Variants in PARD3 observed in about 807,000 individuals in gnomAD.
PARD3 encodes the protein par-3 family cell polarity regulator.
Under a neutral mutation model 155.4 loss-of-function variants are expected in PARD3, and 75 were observed. The ratio of observed to expected loss-of-function variants is 0.48; its 90% CI spans 0.40 to 0.58. PARD3 has a LOEUF of 0.58. Among genes scored for constraint, PARD3 ranks in the 20% least tolerant of loss-of-function variants. The probability of loss-of-function intolerance (pLI) is 0.00; values close to 1 mark genes in which losing one functional copy is unlikely to be tolerated. For synonymous variants in PARD3, 576 were observed against 610.5 expected (o/e 0.94, Z 0.83); for missense variants, 1,642 against 1,721.7 (o/e 0.95, Z 0.82).
intron 20 of PARD3, among the ~76,000 whole-genome samples, chr10:34,301,593 C>T (rs1697043990): frequency 1.3e-5 from 2 of 152,214 alleles, no homozygotes; most frequent in South Asian, 4.1e-4. Flanking sequence ...TTGCAAGCAC[C>T]ACCTGACATG....
At chr10:34,652,967 A>G (rs552624480) in intron 2 of PARD3, among the ~76,000 whole-genome samples, 2 of 152,318 alleles carry the variant, frequency 1.3e-5, no homozygotes, top group African/African-American at 4.8e-5. Flanking sequence ...GGAAGTGCTC[A>G]TTTTAATGAC....
chr10:34,232,719 G>C (rs1025130219), intron 22 of PARD3, among the ~76,000 whole-genome samples: 1 of 152,014 alleles, frequency 6.6e-6, no homozygotes, highest in Non-Finnish European at 1.5e-5. Context: ...TTTTCTTTTA[G>C]AGACAAAGTC....
intron 11 of PARD3, among the ~76,000 whole-genome samples, chr10:34,374,255 T>C (rs925661075): frequency 6.6e-6 from 1 of 152,208 alleles, no homozygotes; most frequent in African/African-American, 2.4e-5. Context: ...GATGTATTAA[T>C]GTATGTATGG....
intron 2 of PARD3, among the ~76,000 whole-genome samples, chr10:34,593,895 G>A (rs944509443): frequency 5.3e-5 from 8 of 152,114 alleles, no homozygotes; most frequent in South Asian, 4.1e-4. Context: ...CCAAGAGACC[G>A]GAGATTTCTG....
chr10:34,808,182 C>CACACA (rs58378296), intron 1 of PARD3, among the ~76,000 whole-genome samples: 53,193 of 151,398 alleles, frequency 0.35, 10,417 homozygotes, highest in African/African-American at 0.55. Context: ...GGTGTGGCGG[C>CACACA]ACACAACTGT....
intron 1 of PARD3, among the ~76,000 whole-genome samples, chr10:34,797,533 C>T (rs1487274423): frequency 1.3e-5 from 2 of 152,198 alleles, no homozygotes; most frequent in Non-Finnish European, 2.9e-5. Context: ...AATACTACTG[C>T]TCCATCCAAT....
chr10:34,415,072 A>C (rs923309043), intron 5 of PARD3, among the ~76,000 whole-genome samples: 1 of 152,214 alleles, frequency 6.6e-6, no homozygotes, highest in African/African-American at 2.4e-5. Context: ...CAGGAAGAAG[A>C]ACCACCAACT....
chr10:34,183,645 G>A (rs1950361695), intron 22 of PARD3, among the ~76,000 whole-genome samples: 1 of 152,176 alleles, frequency 6.6e-6, no homozygotes, highest in South Asian at 2.1e-4. Context: ...CATATTAAAA[G>A]TCTAAGGTGG....
At chr10:34,491,385 T>C (rs967292871) in intron 3 of PARD3, among the ~76,000 whole-genome samples, 6 of 152,346 alleles carry the variant, frequency 3.9e-5, no homozygotes, top group African/African-American at 1.4e-4. Context: ...TTTCTAACTT[T>C]AATTTGAAAA....
At chr10:34,276,767 T>C (rs765121713) in intron 21 of PARD3, among the ~76,000 whole-genome samples, 1 of 152,176 alleles carries the variant, frequency 6.6e-6, no homozygotes, top group Non-Finnish European at 1.5e-5. Flanking sequence ...GCAAAACCAG[T>C]GGTGTCCTTA....
chr10:34,722,251 G>GTA (rs1184686535), intron 1 of PARD3, among the ~76,000 whole-genome samples: 15 of 151,752 alleles, frequency 9.9e-5, no homozygotes, highest in Non-Finnish European at 1.6e-4. Flanking sequence ...GTTGTTTTAT[G>GTA]TATATATATA....
chr10:34,774,571 T>G (rs944768785), intron 1 of PARD3, among the ~76,000 whole-genome samples: 5 of 152,234 alleles, frequency 3.3e-5, no homozygotes. Flanking sequence ...GAGACTTGAA[T>G]TAGTATAAGT....
At chr10:34,550,423 G>A (rs1384987118) in intron 2 of PARD3, among the ~76,000 whole-genome samples, 1 of 151,938 alleles carries the variant, frequency 6.6e-6, no homozygotes, top group Non-Finnish European at 1.5e-5. Context: ...TGTTGCCCAG[G>A]CTGGTCTCGA....
chr10:34,706,006 T>C (rs1341285592), intron 1 of PARD3, among the ~76,000 whole-genome samples: 2 of 152,108 alleles, frequency 1.3e-5, no homozygotes, highest in East Asian at 3.9e-4. Flanking sequence ...CTGACATGAC[T>C]TTCATGCCAA....
chr10:34,755,481 C>T (rs1250651727), intron 1 of PARD3, among the ~76,000 whole-genome samples: 1 of 152,124 alleles, frequency 6.6e-6, no homozygotes, highest in East Asian at 1.9e-4. Flanking sequence ...TGCCCTCCCA[C>T]AGCAAATCTT....
At chr10:34,605,537 CTATA>C (rs1226768521) in intron 2 of PARD3, among the ~76,000 whole-genome samples, 1,147 of 25,704 alleles carry the variant, frequency 0.045, 199 homozygotes, top group Non-Finnish European at 0.053. Context: ...TATATATCTC[CTATA>C]TATATATATA....
chr10:34,326,514 A>G (rs753066140), intron 19 of PARD3, among the ~76,000 whole-genome samples: 6 of 152,216 alleles, frequency 3.9e-5, no homozygotes, highest in Admixed American at 6.5e-5. Context: ...TTCTTCCACA[A>G]TAGATTTACT....
chr10:34,792,047 G>A (rs903396870), intron 1 of PARD3, among the ~76,000 whole-genome samples: 3 of 152,038 alleles, frequency 2.0e-5, no homozygotes, highest in Non-Finnish European at 2.9e-5. Context: ...TCACGTGCTC[G>A]CCTCGTGACA....
chr10:34,591,960 G>A (rs1419924267), intron 2 of PARD3, among the ~76,000 whole-genome samples: 2 of 152,152 alleles, frequency 1.3e-5, no homozygotes, highest in Non-Finnish European at 2.9e-5. Context: ...AGCCACAAGG[G>A]AGATTAGCAA....
Sources: gnomAD v4.1 joint callset for allele counts (sites outside exome capture counted in the v4.1 genomes callset) on GRCh38, gnomAD v4.1.1 for gene constraint, MANE v1.5 for transcripts, NCBI Gene and HGNC (gene_info 2026-07-23, HGNC 2026-07-21) for gene names.